The following DOK6 variants were observed in gnomAD, a reference collection of about 807,000 sequenced individuals.
The protein encoded by DOK6 is downstream of tyrosine kinase 6.
A neutral mutation model predicts 44.0 loss-of-function variants in DOK6; 22 were observed. The observed-to-expected ratio is 0.50, with a 90% CI of 0.36 to 0.71. DOK6 has a LOEUF of 0.71. Among genes scored for constraint, DOK6 ranks in the 30% least tolerant of loss-of-function variants. The probability of loss-of-function intolerance (pLI) is 0.00; values close to 1 mark genes in which losing one functional copy is unlikely to be tolerated. For synonymous variants in DOK6, 166 were observed against 145.5 expected (o/e 1.14, Z -1.01); for missense variants, 340 against 416.4 (o/e 0.82, Z 1.60).
intron 3 of DOK6, among the ~76,000 whole-genome samples, chr18:69,653,450 G>T (rs73463985): frequency 6.6e-6 from 1 of 152,136 alleles, no homozygotes; most frequent in Non-Finnish European, 1.5e-5. Flanking sequence ...TTGCCGTCTG[G>T]TAGGTAATCA....
intron 5 of DOK6, among the ~76,000 whole-genome samples, chr18:69,712,842 G>A (rs969220107): frequency 6.6e-6 from 1 of 152,150 alleles, no homozygotes; most frequent in African/African-American, 2.4e-5. Context: ...GTGAGACTCT[G>A]TTTCAACAAC....
At chr18:69,676,293 G>A (rs1269312730) in intron 3 of DOK6, among the ~76,000 whole-genome samples, 3 of 152,192 alleles carry the variant, frequency 2.0e-5, no homozygotes, top group African/African-American at 7.2e-5. Flanking sequence ...TTAAAAGTAT[G>A]TCATGGTCTT....
At chr18:69,618,151 C>T (rs144664332) in intron 3 of DOK6, among the ~76,000 whole-genome samples, 1 of 152,114 alleles carries the variant, frequency 6.6e-6, no homozygotes, top group South Asian at 2.1e-4. Context: ...CCTCAGCCCT[C>T]CAGAAGAAGC....
chr18:69,438,808 C>T (rs1401585433), intron 1 of DOK6, among the ~76,000 whole-genome samples: 12 of 152,168 alleles, frequency 7.9e-5, no homozygotes, highest in South Asian at 2.1e-4. Flanking sequence ...ATAATGGTCA[C>T]GCCTATAATG....
chr18:69,633,866 C>T (rs181222487), intron 3 of DOK6, among the ~76,000 whole-genome samples: 54 of 152,028 alleles, frequency 3.6e-4, no homozygotes, highest in Admixed American at 1.6e-3. Flanking sequence ...TACTAAGTAC[C>T]GAGTAAGGGA....
intron 5 of DOK6, among the ~76,000 whole-genome samples, chr18:69,720,949 C>T (rs1335808000): frequency 6.6e-6 from 1 of 152,010 alleles, no homozygotes; most frequent in Non-Finnish European, 1.5e-5. Flanking sequence ...TACTAAAATG[C>T]CTTATATACA....
intron 1 of DOK6, among the ~76,000 whole-genome samples, chr18:69,405,979 G>A (rs971826029): frequency 6.6e-6 from 1 of 152,074 alleles, no homozygotes; most frequent in Non-Finnish European, 1.5e-5. Context: ...TGGATCTGTG[G>A]TATCTATGTT....
intron 1 of DOK6, among the ~76,000 whole-genome samples, chr18:69,423,610 T>A (rs1978556589): frequency 6.6e-6 from 1 of 152,220 alleles, no homozygotes; most frequent in South Asian, 2.1e-4. Context: ...GAAGTAGAAA[T>A]ACTGGTTTTT....
chr18:69,795,522 G>A (rs935106429), intron 7 of DOK6, among the ~76,000 whole-genome samples: 5 of 152,146 alleles, frequency 3.3e-5, no homozygotes, highest in African/African-American at 1.2e-4. Context: ...GCATAACCCA[G>A]TTGCCAGAGA....
At chr18:69,743,207 T>C (rs548350258) in intron 6 of DOK6, among the ~76,000 whole-genome samples, 2 of 152,348 alleles carry the variant, frequency 1.3e-5, no homozygotes, top group Admixed American at 1.3e-4. Context: ...TTGAGGAATA[T>C]GTTTCAAATA....
chr18:69,704,248 T>A (rs1288439988), intron 5 of DOK6, among the ~76,000 whole-genome samples: 1 of 152,094 alleles, frequency 6.6e-6, no homozygotes, highest in African/African-American at 2.4e-5. Flanking sequence ...ACCCCACATC[T>A]GCGAGGGGAC....
intron 3 of DOK6, among the ~76,000 whole-genome samples, chr18:69,675,372 A>G (rs766942988): frequency 6.6e-6 from 1 of 152,234 alleles, no homozygotes; most frequent in Non-Finnish European, 1.5e-5. Context: ...TGACATATTT[A>G]ACGTTCTGAT....
At chr18:69,834,056 A>G (rs1284523035) in intron 7 of DOK6, among the ~76,000 whole-genome samples, 2 of 152,200 alleles carry the variant, frequency 1.3e-5, no homozygotes, top group South Asian at 2.1e-4. Context: ...GGAAATTAGT[A>G]TGTCAAGGAG....
chr18:69,523,319 CATA>C (rs1236180776), intron 1 of DOK6, among the ~76,000 whole-genome samples: 3 of 151,952 alleles, frequency 2.0e-5, no homozygotes, highest in African/African-American at 7.2e-5. Context: ...AAGAAAAAGT[CATA>C]ATAAATTAAA....
At position 69,841,447 on chromosome 18, in the gene DOK6, C is replaced by A. The variant is rs1982217964; in HGVS notation, c.*64C>A. On this transcript the variant is annotated 3_prime_UTR_variant, in exon 8 of 8. Transcript: ENST00000382713. ...CCTGGACCCGTCTGTGGGGTCATTA[C>A]CCTCTGCCTCCTGGAAGACCAATTG... 6 of 1,591,838 alleles carry A rather than the reference C, an allele frequency of 3.8e-6. No individual in the cohort carries two copies. In the South Asian group the frequency reaches 6.7e-5, roughly 18 times the overall value.
At position 69,647,519 on chromosome 18, in the gene DOK6, A is replaced by G. The variant is rs536917840; in HGVS notation, c.290-30215A>G. On this transcript the variant is annotated intron_variant, in intron 3 of 7. Transcript: ENST00000382713. ...TGCAAACAAACAGCCAAGAGATCTG[A>G]AAGTAAATGGATTTCATCAGGCTAA... 8.5e-5 allele frequency: 13 copies of G among 152,332 alleles called. No homozygotes were observed. In the East Asian group the frequency reaches 2.3e-3, roughly 27 times the overall value. 9.4% of individuals were successfully genotyped at this position (152,332 alleles called of 1,614,324 possible).
chr18:69,835,307 C>CA lies in DOK6; in HGVS notation c.857-5929dup, dbSNP rs574731963. Reference sequence around the variant, plus strand: ...GAAACCCCGTCTCTATTTAAAAATACAAAAAAAATTAGTTGGGTATGGTGG... The same window carrying CA: ...GAAACCCCGTCTCTATTTAAAAATACAAAAAAAAATTAGTTGGGTATGGTGG... On this transcript the variant is annotated intron_variant, in intron 7 of 7. Coordinates refer to ENST00000382713, the MANE Select transcript of DOK6 (RefSeq NM_152721.6). 2.3e-3 allele frequency among the ~76,000 whole-genome samples: 345 copies of CA among 151,734 alleles called. 4 individuals carry two copies. The highest frequency in any genetic ancestry group is 3.3e-3 in the Admixed American group (51 of 15,270).
chr18:69,671,927 G>C lies in DOK6; in HGVS notation c.290-5807G>C, dbSNP rs148693480. Among the ~76,000 whole-genome samples, 414 of 152,270 alleles carry C rather than the reference G, an allele frequency of 2.7e-3. 2 individuals are homozygous for C. The highest frequency in any genetic ancestry group is 9.3e-3 in the African/African-American group (386 of 41,550). ...CACTCCAATTTCTTAAAGTTGACTG[G>C]GAAAGGCAGAACAATCGCTCATTGA... On this transcript the variant is annotated intron_variant, in intron 3 of 7. Coordinates refer to ENST00000382713, the MANE Select transcript of DOK6 (RefSeq NM_152721.6).
At chr18:69,705,242 A>C (rs1986608818) in intron 5 of DOK6, 1 of 152,250 alleles carries the variant, frequency 6.6e-6, no homozygotes, top group Non-Finnish European at 1.5e-5. Flanking sequence ...AATCTTAACA[A>C]GTTATAAATA....
Sources: gnomAD v4.1 joint callset for allele counts (sites outside exome capture counted in the v4.1 genomes callset) on GRCh38, gnomAD v4.1.1 for gene constraint, MANE v1.5 for transcripts, NCBI Gene and HGNC (gene_info 2026-07-23, HGNC 2026-07-21) for gene names.